XRCC4: variants seen among roughly 807,000 people sequenced by gnomAD.
The protein encoded by XRCC4 is DNA repair protein XRCC4.
In XRCC4, 28 loss-of-function variants were observed where a neutral mutation model predicts 39.1. The observed-to-expected ratio is 0.72, with a 90% CI of 0.53 to 0.98. The LOEUF (loss-of-function observed/expected upper bound fraction) is 0.98, where lower values mean the gene tolerates loss of function less well. Among genes scored for constraint, XRCC4 ranks in the 50% least tolerant of loss-of-function variants. The probability of loss-of-function intolerance (pLI) is 0.00; values close to 1 mark genes in which losing one functional copy is unlikely to be tolerated. For missense variants in XRCC4, 350 were observed against 376.4 expected (o/e 0.93, Z 0.58); for synonymous variants, 123 against 126.4 (o/e 0.97, Z 0.18).
intron 3 of XRCC4, among the ~76,000 whole-genome samples, chr5:83,177,440 T>TCG (rs1554061577): frequency 7.6e-6 from 1 of 132,222 alleles, no homozygotes; most frequent in Non-Finnish European, 1.7e-5. Context: ...TTTAATACCT[T>TCG]TTTTTTTTTT....
At chr5:83,097,438 G>A (rs143131980) in intron 1 of XRCC4, among the ~76,000 whole-genome samples, 124 of 151,520 alleles carry the variant, frequency 8.2e-4, no homozygotes, top group African/African-American at 2.8e-3. Context: ...AAATGGGTGC[G>A]GTTTTAAGTA....
intron 7 of XRCC4, among the ~76,000 whole-genome samples, chr5:83,270,833 T>C (rs1044906024): frequency 6.6e-6 from 1 of 150,968 alleles, no homozygotes; most frequent in Non-Finnish European, 1.5e-5. Context: ...TCACCCAGGC[T>C]GGAATGCAGT....
At chr5:83,269,959 A>G (rs1463683904) in intron 7 of XRCC4, among the ~76,000 whole-genome samples, 1 of 152,184 alleles carries the variant, frequency 6.6e-6, no homozygotes, top group African/African-American at 2.4e-5. Context: ...ATAATGAAAT[A>G]ATTATACAAC....
intron 1 of XRCC4, among the ~76,000 whole-genome samples, chr5:83,079,096 C>T (rs931669807): frequency 5.3e-5 from 8 of 152,178 alleles, no homozygotes; most frequent in African/African-American, 1.9e-4. Context: ...CTTCAGGCTA[C>T]CTGTGAAAAG....
chr5:83,098,004 T>G (rs1476840898), intron 1 of XRCC4, among the ~76,000 whole-genome samples: 1 of 114,330 alleles, frequency 8.7e-6, no homozygotes, highest in Non-Finnish European at 1.9e-5. Flanking sequence ...TTTTATTGCT[T>G]TTTAATACCC....
intron 7 of XRCC4, among the ~76,000 whole-genome samples, chr5:83,301,348 C>G (rs1381077731): frequency 6.6e-6 from 1 of 151,976 alleles, no homozygotes; most frequent in Non-Finnish European, 1.5e-5. Flanking sequence ...AGCTTTTTTT[C>G]TATGTTTGTT....
Position 83,113,214 on chromosome 5 carries a change from C to T in XRCC4, c.315+2011C>T, listed in dbSNP as rs184600455. 5.3e-4 allele frequency among the ~76,000 whole-genome samples: 81 copies of T among 152,290 alleles called. 1 individual carries two copies. Among genetic ancestry groups the T allele is most frequent in the African/African-American group, 1.5e-3 (61 of 41,558 alleles). On this transcript the variant is annotated intron_variant, in intron 3 of 7. Coordinates refer to ENST00000396027, the MANE Select transcript of XRCC4 (RefSeq NM_003401.5). ...AGAGGCTACAGGCGCCATGCAAGTT[C>T]GAAATCCAATAGGGCAGTCATGAAA...
At chr5:83,213,782 C>A (rs1751743700) in intron 6 of XRCC4, among the ~76,000 whole-genome samples, 1 of 152,112 alleles carries the variant, frequency 6.6e-6, no homozygotes, top group African/African-American at 2.4e-5. Flanking sequence ...AGACAAATAT[C>A]CATCATGAAC....
intron 3 of XRCC4, among the ~76,000 whole-genome samples, chr5:83,184,491 A>G (rs1350780590): frequency 1.3e-5 from 2 of 151,966 alleles, no homozygotes; most frequent in Non-Finnish European, 2.9e-5. Flanking sequence ...TATAGTTAGG[A>G]AAAAAAATTA....
intron 6 of XRCC4, among the ~76,000 whole-genome samples, chr5:83,219,112 A>G (rs1278368708): frequency 1.6e-4 from 25 of 152,048 alleles, no homozygotes; most frequent in Admixed American, 9.8e-4. Context: ...TCCCTGTTAC[A>G]TCAAATTTTC....
chr5:83,356,343 A>C (rs550124075), downstream of XRCC4, among the ~76,000 whole-genome samples: 201 of 152,230 alleles, frequency 1.3e-3, no homozygotes, highest in African/African-American at 4.5e-3. Flanking sequence ...ATCTATCTAT[A>C]TATATAGATA....
chr5:83,288,804 A>C (rs1754820248), intron 7 of XRCC4, among the ~76,000 whole-genome samples: 1 of 151,822 alleles, frequency 6.6e-6, no homozygotes, highest in Non-Finnish European at 1.5e-5. Context: ...GGCTTCCTGG[A>C]TATCTGAATT....
chr5:83,208,201 A>G (rs1037787146), intron 6 of XRCC4, among the ~76,000 whole-genome samples: 1 of 152,058 alleles, frequency 6.6e-6, no homozygotes, highest in Non-Finnish European at 1.5e-5. Context: ...GAAGATGAAT[A>G]TGTTAATCTG....
At chr5:83,160,314 A>G (rs1749145874) in intron 3 of XRCC4, among the ~76,000 whole-genome samples, 1 of 152,216 alleles carries the variant, frequency 6.6e-6, no homozygotes, top group African/African-American at 2.4e-5. Flanking sequence ...GTGTACAACA[A>G]TCAGCTTTCA....
chr5:83,194,356 T>C (rs28360126), intron 3 of XRCC4, among the ~76,000 whole-genome samples: 2,296 of 152,330 alleles, frequency 0.015, 66 homozygotes, highest in African/African-American at 0.053. Flanking sequence ...GGTAAAACTT[T>C]CTTATTTAAG....
chr5:83,249,844 T>C (rs1170133742), intron 6 of XRCC4, among the ~76,000 whole-genome samples: 2 of 152,148 alleles, frequency 1.3e-5, no homozygotes, highest in South Asian at 2.1e-4. Flanking sequence ...AATATGCTGG[T>C]AATATATTAT....
At chr5:83,290,691 G>A (rs538555440) in intron 7 of XRCC4, among the ~76,000 whole-genome samples, 1 of 151,824 alleles carries the variant, frequency 6.6e-6, no homozygotes, top group African/African-American at 2.4e-5. Context: ...AGAGTTTAGG[G>A]ATTTTCTAAA....
intron 4 of XRCC4, among the ~76,000 whole-genome samples, chr5:83,199,959 T>C (rs893038497): frequency 3.2e-4 from 49 of 152,262 alleles, no homozygotes; most frequent in African/African-American, 1.1e-3. Flanking sequence ...CTTGGACTAG[T>C]GTGGTCTGAT....
intron 1 of XRCC4, among the ~76,000 whole-genome samples, chr5:83,102,257 A>G (rs1745977324): frequency 6.6e-6 from 1 of 152,124 alleles, no homozygotes; most frequent in Non-Finnish European, 1.5e-5. Flanking sequence ...AGATTAATCA[A>G]ACTAGTGAGG....
Sources: allele counts gnomAD v4.1 joint callset (sites outside exome capture counted in the v4.1 genomes callset), GRCh38; gene constraint gnomAD v4.1.1; transcripts MANE v1.5; gene names NCBI Gene and HGNC (gene_info 2026-07-23, HGNC 2026-07-21).